Variants in EHMT1 observed in about 807,000 individuals in gnomAD.
The protein encoded by EHMT1 is histone-lysine N-methyltransferase EHMT1.
EHMT1 carries 15 observed loss-of-function variants against 147.2 expected under a neutral mutation model. The observed-to-expected ratio is 0.10, with a 90% CI of 0.07 to 0.16. The LOEUF is 0.16. Among genes scored for constraint, EHMT1 ranks in the 10% least tolerant of loss-of-function variants. The pLI is 1.00. For missense variants in EHMT1, 1,587 were observed against 1,772.4 expected (o/e 0.90, Z 1.88); for synonymous variants, 795 against 709.6 (o/e 1.12, Z -1.91).
At chr9:137,648,020 CT>C (rs1346382975) in intron 1 of EHMT1, among the ~76,000 whole-genome samples, 1 of 152,160 alleles carries the variant, frequency 6.6e-6, no homozygotes, top group Non-Finnish European at 1.5e-5. Context: ...TTTGTTGACA[CT>C]TTTCTCAAGG....
intron 1 of EHMT1, among the ~76,000 whole-genome samples, chr9:137,690,561 T>A (rs575392662): frequency 6.6e-6 from 1 of 152,086 alleles, no homozygotes; most frequent in African/African-American, 2.4e-5. Context: ...ATATCTTGTT[T>A]CTTGTTTATT....
intron 1 of EHMT1, among the ~76,000 whole-genome samples, chr9:137,628,041 G>C (rs947003960): frequency 6.6e-6 from 1 of 152,142 alleles, no homozygotes; most frequent in Non-Finnish European, 1.5e-5. Context: ...GGGGCTAAAC[G>C]TCTGGTGTCT....
At chr9:137,834,702 C>G in intron 26 of EHMT1, 71 bp from the exon 27 acceptor site, 2 of 1,611,090 alleles carry the variant, frequency 1.2e-6, no homozygotes, top group Non-Finnish European at 1.7e-6. Context: ...TTGGCCTTGC[C>G]TTAATTTATC....
At chr9:137,658,286 C>T (rs1474450720) in intron 1 of EHMT1, among the ~76,000 whole-genome samples, 1 of 151,794 alleles carries the variant, frequency 6.6e-6, no homozygotes, top group Non-Finnish European at 1.5e-5. Context: ...GAGTAGCTGG[C>T]ATTACAGGCT....
At chr9:137,770,553 G>C (rs1170568291) in intron 10 of EHMT1, among the ~76,000 whole-genome samples, 1 of 152,194 alleles carries the variant, frequency 6.6e-6, no homozygotes, top group Non-Finnish European at 1.5e-5. Flanking sequence ...AGAAGGGGCT[G>C]CCCTGCTCGT....
chr9:137,674,167 A>T (rs1209759671), intron 1 of EHMT1, among the ~76,000 whole-genome samples: 1 of 152,092 alleles, frequency 6.6e-6, no homozygotes, highest in African/African-American at 2.4e-5. Flanking sequence ...AGCTTAGAAA[A>T]CCAGCACCGT....
Position 137,835,558 on chromosome 9 carries a change from C to T in EHMT1, c.*605C>T, listed in dbSNP as rs1221151601. 1.3e-5 allele frequency: 2 copies of T among 152,486 alleles called. No individual in the cohort carries two copies. The highest frequency in any genetic ancestry group is 4.8e-5 in the African/African-American group (2 of 41,426). 9.4% of individuals were successfully genotyped at this position (152,486 alleles called of 1,614,324 possible). A position where few individuals can be genotyped will look rare whatever the true frequency, so the allele number is the denominator to read the frequency against. On this transcript the variant is annotated 3_prime_UTR_variant, in exon 27 of 27. Coordinates refer to ENST00000460843, the MANE Select transcript of EHMT1 (RefSeq NM_024757.5). ...GAATCCTATATCTAGTCCTATATAT[C>T]AAACCTCTAACTGACGTTTCTTTTC...
chr9:137,723,677 C>T (rs1377592182), intron 3 of EHMT1, among the ~76,000 whole-genome samples: 1 of 152,244 alleles, frequency 6.6e-6, no homozygotes. Context: ...TTCAGGATTT[C>T]CTGCCACCCC....
rs1020399229 is a variant in EHMT1, at chr9:137,835,053, C to T, written c.*100C>T. Reference sequence around the variant, plus strand: ...TCCGCACGCAACCGAAAGGGTCCTTCGGGGCTGCGCCGCCGGCTTCCTGGA... The same window carrying T: ...TCCGCACGCAACCGAAAGGGTCCTTTGGGGCTGCGCCGCCGGCTTCCTGGA... On this transcript the variant is annotated 3_prime_UTR_variant, in exon 27 of 27. Transcript: ENST00000460843. 7 of 1,284,084 alleles carry T rather than the reference C, an allele frequency of 5.5e-6. No individual in the cohort carries two copies. Among genetic ancestry groups the T allele is most frequent in the East Asian group, 3.3e-5 (1 of 29,994 alleles). 79.5% of individuals were successfully genotyped at this position (1,284,084 alleles called of 1,614,324 possible).
chr9:137,640,537 A>G (rs1814980531), intron 1 of EHMT1, among the ~76,000 whole-genome samples: 1 of 152,208 alleles, frequency 6.6e-6, no homozygotes. Flanking sequence ...TTGGTCTCCC[A>G]AAGTGCTAGG....
intron 1 of EHMT1, among the ~76,000 whole-genome samples, chr9:137,690,200 A>T (rs1220537602): frequency 6.6e-6 from 1 of 152,206 alleles, no homozygotes; most frequent in Non-Finnish European, 1.5e-5. Context: ...GGCGGAGACT[A>T]GATTTGCCGA....
chr9:137,674,103 C>T (rs1940981353), intron 1 of EHMT1, among the ~76,000 whole-genome samples: 1 of 152,098 alleles, frequency 6.6e-6, no homozygotes, highest in Admixed American at 6.5e-5. Context: ...CCAGGGTGGG[C>T]AGGGAGACGT....
chr9:137,757,471 C>G (rs1340410493), intron 8 of EHMT1, among the ~76,000 whole-genome samples: 1 of 152,248 alleles, frequency 6.6e-6, no homozygotes, highest in East Asian at 1.9e-4. Flanking sequence ...TACATCTGAT[C>G]TTTCAAATCT....
intron 25 of EHMT1, 75 bp downstream of exon 25, chr9:137,818,213 G>A: frequency 1.3e-6 from 2 of 1,498,192 alleles, no homozygotes; most frequent in Non-Finnish European, 1.9e-6. Context: ...TCCCAGTAGG[G>A]CTGGGATTCA....
At position 137,731,569 on chromosome 9, in the gene EHMT1, A is replaced by G. The variant is rs777737466; in HGVS notation, c.823+3040A>G. ...AGGCCTTTTACAACAGTGTCCATAC[A>G]GAGCAGGAATCGGGGTACGTCCTAT... On this transcript the variant is annotated intron_variant, in intron 4 of 26. Transcript: ENST00000460843. This position sits in a 1 kb window ranked among gnomAD's most constrained non-coding sequence, Gnocchi z 4.3. 6.6e-6 allele frequency among the ~76,000 whole-genome samples: 1 copy of G among 152,208 alleles called. No individual in the cohort carries two copies. The highest frequency in any genetic ancestry group is 1.5e-5 in the Non-Finnish European group (1 of 68,036).
At position 137,790,705 on chromosome 9, in the gene EHMT1, A is replaced by G. The variant is rs987872844; in HGVS notation, c.2383-143A>G. On this transcript the variant is annotated intron_variant, in intron 15 of 26. Coordinates refer to ENST00000460843, the MANE Select transcript of EHMT1 (RefSeq NM_024757.5). ...TAATAGAATAATTATGTCTTTGAAT[A>G]CGTGTTTAGAAAACTCAGACATTGT... 6 of 1,075,182 alleles carry G rather than the reference A, an allele frequency of 5.6e-6. No individual in the cohort carries two copies. The African/African-American group carries it at 9.4e-5, about 17-fold the overall frequency. 66.6% of individuals were successfully genotyped at this position (1,075,182 alleles called of 1,614,324 possible).
intron 1 of EHMT1, among the ~76,000 whole-genome samples, chr9:137,709,774 C>G (rs762416400): frequency 8.5e-5 from 13 of 152,178 alleles, no homozygotes; most frequent in Non-Finnish European, 1.8e-4. Context: ...CTGTGCCTCT[C>G]CTCTTCTGGT....
At chr9:137,737,889 T>G (rs755892965) in intron 4 of EHMT1, among the ~76,000 whole-genome samples, 2 of 152,128 alleles carry the variant, frequency 1.3e-5, no homozygotes, top group Non-Finnish European at 2.9e-5. Context: ...TAAAAACAAC[T>G]TGATTAAAAA....
intron 1 of EHMT1, among the ~76,000 whole-genome samples, chr9:137,708,039 G>C (rs1239841659): frequency 6.6e-6 from 1 of 152,170 alleles, no homozygotes; most frequent in Non-Finnish European, 1.5e-5. Flanking sequence ...AATGAAAACT[G>C]AAAAGTTAAA....
Sources: allele counts gnomAD v4.1 joint callset (sites outside exome capture counted in the v4.1 genomes callset), GRCh38; gene constraint gnomAD v4.1.1; non-coding constraint Gnocchi (gnomAD v3.1); transcripts MANE v1.5; gene names NCBI Gene and HGNC (gene_info 2026-07-23, HGNC 2026-07-21).